Variants in SLC24A2 observed in about 807,000 individuals in gnomAD.
SLC24A2 encodes solute carrier family 24 member 2.
A neutral mutation model predicts 62.0 loss-of-function variants in SLC24A2; 36 were observed. The observed-to-expected ratio is 0.58, with a 90% CI of 0.44 to 0.77. The LOEUF is 0.77. SLC24A2 is among the 30% of genes least tolerant of loss of function. The probability of loss-of-function intolerance (pLI) is 0.00; values close to 1 mark genes in which losing one functional copy is unlikely to be tolerated. For synonymous variants in SLC24A2, 358 were observed against 294.0 expected (o/e 1.22, Z -2.23); for missense variants, 846 against 817.9 (o/e 1.03, Z -0.42).
At chr9:19,889,045 C>A in the SLC24A2 span, among the ~76,000 whole-genome samples, 2 of 151,974 alleles carry the variant, frequency 1.3e-5, no homozygotes, top group African/African-American at 4.8e-5. Context: ...TGGCCCCAGA[C>A]CATCAGTGTG....
the SLC24A2 span, among the ~76,000 whole-genome samples, chr9:20,160,755 A>G: frequency 6.6e-6 from 1 of 151,248 alleles, no homozygotes; most frequent in African/African-American, 2.4e-5. Context: ...ATACATTTAA[A>G]TAACAGGTAA....
intron 7 of SLC24A2, among the ~76,000 whole-genome samples, chr9:19,566,535 A>G (rs1367065688): frequency 2.0e-5 from 3 of 151,980 alleles, no homozygotes; most frequent in African/African-American, 7.3e-5. Flanking sequence ...TAGTTCAACC[A>G]TTGTGGAAGA....
At chr9:20,243,694 T>G in the SLC24A2 span, among the ~76,000 whole-genome samples, 304 of 152,296 alleles carry the variant, frequency 2.0e-3, 2 homozygotes, top group African/African-American at 6.9e-3. Flanking sequence ...AGAAGACTTT[T>G]AATTTTTCCT....
the SLC24A2 span, among the ~76,000 whole-genome samples, chr9:20,083,396 G>C: frequency 7.9e-5 from 12 of 152,330 alleles, no homozygotes; most frequent in African/African-American, 2.9e-4. Context: ...GCCCAGGTCT[G>C]AACAGGGACC....
chr9:19,962,236 T>G, the SLC24A2 span, among the ~76,000 whole-genome samples: 3 of 152,354 alleles, frequency 2.0e-5, no homozygotes, highest in Admixed American at 1.3e-4. Flanking sequence ...TCTGTTTTTG[T>G]AGCAGTACCA....
At chr9:20,262,633 C>T in the SLC24A2 span, among the ~76,000 whole-genome samples, 3 of 152,202 alleles carry the variant, frequency 2.0e-5, no homozygotes, top group Non-Finnish European at 2.9e-5. Context: ...ACTTATGAAA[C>T]CTTATCATGA....
chr9:19,685,383 C>T (rs953537975), intron 2 of SLC24A2, among the ~76,000 whole-genome samples: 1 of 152,138 alleles, frequency 6.6e-6, no homozygotes, highest in African/African-American at 2.4e-5. Flanking sequence ...TTACCAATGA[C>T]ATTCTTCACA....
intron 2 of SLC24A2, among the ~76,000 whole-genome samples, chr9:19,637,743 G>A (rs762425722): frequency 1.1e-4 from 16 of 152,170 alleles, no homozygotes; most frequent in Non-Finnish European, 1.5e-4. Flanking sequence ...TGGAGCAACC[G>A]GATGGTGTAA....
At chr9:19,628,056 C>A (rs1354747249) in intron 2 of SLC24A2, among the ~76,000 whole-genome samples, 1 of 152,156 alleles carries the variant, frequency 6.6e-6, no homozygotes, top group Non-Finnish European at 1.5e-5. Flanking sequence ...GTATTAATAT[C>A]TTTTACCCAA....
At chr9:20,241,284 A>G in the SLC24A2 span, among the ~76,000 whole-genome samples, 13 of 152,354 alleles carry the variant, frequency 8.5e-5, no homozygotes, top group East Asian at 2.5e-3. Context: ...AAGTCAAATA[A>G]TTAAGCACCT....
chr9:20,287,951 T>C, the SLC24A2 span, among the ~76,000 whole-genome samples: 1 of 152,228 alleles, frequency 6.6e-6, no homozygotes, highest in South Asian at 2.1e-4. Flanking sequence ...TTCTCAATTT[T>C]TACACATATT....
the SLC24A2 span, among the ~76,000 whole-genome samples, chr9:19,900,009 T>G: frequency 4.6e-5 from 7 of 152,156 alleles, no homozygotes; most frequent in Non-Finnish European, 1.0e-4. Flanking sequence ...TATATGACTA[T>G]TGTACCCTGA....
intron 1 of SLC24A2, among the ~76,000 whole-genome samples, chr9:19,788,073 G>T (rs1823226873): frequency 6.6e-6 from 1 of 152,162 alleles, no homozygotes; most frequent in Non-Finnish European, 1.5e-5. Context: ...CATTTTGGAG[G>T]CAGTCGCTGA....
At chr9:20,009,678 T>C in the SLC24A2 span, among the ~76,000 whole-genome samples, 10 of 152,300 alleles carry the variant, frequency 6.6e-5, no homozygotes, top group Non-Finnish European at 1.3e-4. Flanking sequence ...CCAATGCTAG[T>C]AGTGGAGAGG....
chr9:20,004,365 G>A, the SLC24A2 span, among the ~76,000 whole-genome samples: 1 of 152,142 alleles, frequency 6.6e-6, no homozygotes, highest in African/African-American at 2.4e-5. Flanking sequence ...AGGGAAGCTG[G>A]TCATAAAACA....
At chr9:19,728,429 A>T (rs1344396230) in intron 2 of SLC24A2, among the ~76,000 whole-genome samples, 3 of 152,150 alleles carry the variant, frequency 2.0e-5, no homozygotes, top group African/African-American at 7.2e-5. Flanking sequence ...TTCTTTTAAT[A>T]TACCGAGTAT....
At chr9:19,612,627 A>C (rs1394283986) in intron 4 of SLC24A2, among the ~76,000 whole-genome samples, 2 of 152,204 alleles carry the variant, frequency 1.3e-5, no homozygotes, top group Non-Finnish European at 2.9e-5. Context: ...ACTAGAACCC[A>C]TGGGGGTCTA....
chr9:20,147,094 C>G, the SLC24A2 span, among the ~76,000 whole-genome samples: 1 of 152,138 alleles, frequency 6.6e-6, no homozygotes. Context: ...AAAAAGTTGT[C>G]CTGGTTTACT....
At chr9:19,760,484 A>T (rs1822285480) in intron 2 of SLC24A2, among the ~76,000 whole-genome samples, 2 of 152,008 alleles carry the variant, frequency 1.3e-5, no homozygotes, top group South Asian at 4.1e-4. Flanking sequence ...TGTCATCTAC[A>T]TTAGGTATTT....
Sources: allele counts gnomAD v4.1 joint callset (sites outside exome capture counted in the v4.1 genomes callset), GRCh38; gene constraint gnomAD v4.1.1; transcripts MANE v1.5; gene names NCBI Gene and HGNC (gene_info 2026-07-23, HGNC 2026-07-21).